Variants in DCDC2 observed in about 807,000 individuals in gnomAD.
The protein encoded by DCDC2 is doublecortin domain containing 2, also known as doublecortin domain-containing protein 2.
In DCDC2, 40 loss-of-function variants were observed where a neutral mutation model predicts 50.2. That is an observed-to-expected ratio of 0.80 (90% CI 0.62 to 1.04). The LOEUF (loss-of-function observed/expected upper bound fraction) is 1.04. Among genes scored for constraint, DCDC2 ranks in the 50% least tolerant of loss-of-function variants. The probability of loss-of-function intolerance (pLI) is 0.00; values close to 1 mark genes in which losing one functional copy is unlikely to be tolerated. For synonymous variants in DCDC2, 234 were observed against 210.6 expected (o/e 1.11, Z -0.96); for missense variants, 570 against 581.9 (o/e 0.98, Z 0.21).
At chr6:24,358,202 G>A (rs1039209998), upstream of DCDC2, 3 of 344,912 alleles carry the variant, frequency 8.7e-6, no homozygotes, top group South Asian at 4.2e-4. Context: ...TTTCCAAACA[G>A]CCTAATTTTT....
At chr6:24,186,887 A>G (rs1291088043) in intron 8 of DCDC2, among the ~76,000 whole-genome samples, 1 of 152,196 alleles carries the variant, frequency 6.6e-6, no homozygotes, top group East Asian at 1.9e-4. Context: ...AGTTAAAATT[A>G]GGTCATGAGG....
intron 8 of DCDC2, among the ~76,000 whole-genome samples, chr6:24,191,127 G>T (rs921963401): frequency 5.0e-4 from 76 of 152,160 alleles, no homozygotes; most frequent in Admixed American, 3.3e-3. Flanking sequence ...TTTTATAATT[G>T]TTTAGTAAAT....
At chr6:24,374,577 CAAAAAAAAA>C in the DCDC2 span, among the ~76,000 whole-genome samples, 87 of 57,468 alleles carry the variant, frequency 1.5e-3, no homozygotes, top group African/African-American at 4.5e-3. Context: ...AGACTCCATC[CAAAAAAAAA>C]AAAAAAAAAA....
chr6:24,216,899 G>C (rs1761993920), intron 7 of DCDC2, among the ~76,000 whole-genome samples: 1 of 152,154 alleles, frequency 6.6e-6, no homozygotes, highest in Non-Finnish European at 1.5e-5. Flanking sequence ...TTGAACCTTA[G>C]CTAAAATACC....
At chr6:24,311,117 T>A (rs1759563285) in intron 2 of DCDC2, among the ~76,000 whole-genome samples, 1 of 152,224 alleles carries the variant, frequency 6.6e-6, no homozygotes, top group South Asian at 2.1e-4. Context: ...TGGCTTCAGA[T>A]GATGTCCTCG....
At position 24,323,605 on chromosome 6, in the gene DCDC2, T is replaced by C. The variant is rs1179698432; in HGVS notation, c.349-21561A>G. On this transcript the variant is annotated intron_variant, in intron 2 of 9. Coordinates refer to ENST00000378454, the MANE Select transcript of DCDC2 (RefSeq NM_016356.5). ...AAAGTTCAATGAATATAATGCTTAA[T>C]AGACCTTAATGCAAATAAAAGATCT... Among the ~76,000 whole-genome samples the C allele has an allele frequency of 2.0e-5, 3 of 152,310 alleles. No individual in the cohort carries two copies. The South Asian group carries it at 6.2e-4, about 32-fold the overall frequency.
Position 24,178,571 on chromosome 6 carries a change from T to C in DCDC2, c.1085A>G (p.Gln362Arg). ...ATTCATTCCTGAAAAGTCTTCTTTC[T>C]GTTCTGCATCCTTGTTTGCCTTCTC... ...DGEKANKDAE[Q>R]KEDFSGMNGD... is the part of the protein sequence containing the mutation. Residue 362 changes from glutamine (Q) to arginine (R), a missense_variant, in exon 9 of 10, where the codon CAG becomes CGG. Physicochemically the swap from Gln to Arg is conservative, Grantham distance 43. Transcript: ENST00000378454. 1.9e-6 allele frequency: 3 copies of C among 1,614,180 alleles called. No individual in the cohort carries two copies. The highest frequency in any genetic ancestry group is 2.5e-6 in the Non-Finnish European group (3 of 1,180,026).
chr6:24,225,702 TCA>T (rs542318921), intron 7 of DCDC2, among the ~76,000 whole-genome samples: 18,548 of 151,866 alleles, frequency 0.12, 1,264 homozygotes, highest in African/African-American at 0.17. Flanking sequence ...TAGAAAGTTT[TCA>T]CACACACACA....
At chr6:24,241,351 T>C (rs1762558587) in intron 7 of DCDC2, among the ~76,000 whole-genome samples, 1 of 152,168 alleles carries the variant, frequency 6.6e-6, no homozygotes, top group South Asian at 2.1e-4. Context: ...ACAAATATAT[T>C]TCACATAATC....
chr6:24,325,955 C>T (rs781634996), intron 2 of DCDC2, among the ~76,000 whole-genome samples: 31 of 149,170 alleles, frequency 2.1e-4, no homozygotes, highest in Middle Eastern at 3.4e-3. Context: ...TTCAGTTCTT[C>T]CTTCCCCACA....
chr6:24,265,239 A>G (rs1319039711), intron 7 of DCDC2, among the ~76,000 whole-genome samples: 1 of 152,246 alleles, frequency 6.6e-6, no homozygotes, highest in African/African-American at 2.4e-5. Flanking sequence ...TTGAAAATAC[A>G]TACTCATCCA....
At chr6:24,239,455 T>C (rs1008999590) in intron 7 of DCDC2, among the ~76,000 whole-genome samples, 3 of 152,182 alleles carry the variant, frequency 2.0e-5, no homozygotes, top group Admixed American at 2.0e-4. Context: ...ACTGGGATAG[T>C]TGACCGGCTC....
At chr6:24,301,664 T>C (rs1203863818) in intron 4 of DCDC2, 51 bp downstream of exon 4, 1 of 1,600,802 alleles carries the variant, frequency 6.2e-7, no homozygotes, top group Non-Finnish European at 8.5e-7. Flanking sequence ...CTCCTGAGAA[T>C]ATCTTCAACA....
At chr6:24,295,856 C>T (rs189308834) in intron 4 of DCDC2, among the ~76,000 whole-genome samples, 1 of 152,236 alleles carries the variant, frequency 6.6e-6, no homozygotes, top group East Asian at 1.9e-4. Flanking sequence ...AGCCCATGGT[C>T]ATGGATAGGA....
At chr6:24,310,565 G>A (rs1759553899) in intron 2 of DCDC2, among the ~76,000 whole-genome samples, 1 of 151,964 alleles carries the variant, frequency 6.6e-6, no homozygotes, top group Admixed American at 6.6e-5. Flanking sequence ...CACTCTCTTG[G>A]TCAAATTTAT....
At chr6:24,358,902 ATATTATATATTAT>A, upstream of DCDC2, among the ~76,000 whole-genome samples, 1 of 21,086 alleles carries the variant, frequency 4.7e-5, no homozygotes, top group African/African-American at 3.5e-4. Flanking sequence ...TATATATAAT[ATATTATATATTAT>A]ATATATTATA....
At chr6:24,294,202 C>A (rs1293342949) in intron 4 of DCDC2, among the ~76,000 whole-genome samples, 1 of 151,768 alleles carries the variant, frequency 6.6e-6, no homozygotes, top group Non-Finnish European at 1.5e-5. Flanking sequence ...ACAAAAAATA[C>A]AAAAAAATTA....
upstream of DCDC2, among the ~76,000 whole-genome samples, chr6:24,359,511 A>ATATT (rs1760619153): frequency 2.5e-4 from 25 of 100,802 alleles, no homozygotes; most frequent in African/African-American, 9.6e-4. Context: ...TATTTTATAT[A>ATATT]TTATATATAT....
At chr6:24,194,606 G>C (rs537339361) in intron 8 of DCDC2, among the ~76,000 whole-genome samples, 1 of 152,114 alleles carries the variant, frequency 6.6e-6, no homozygotes, top group Non-Finnish European at 1.5e-5. Context: ...TTTATTACTA[G>C]GGGCAGTTTA....
Sources: allele counts gnomAD v4.1 joint callset (sites outside exome capture counted in the v4.1 genomes callset), GRCh38; gene constraint gnomAD v4.1.1; transcripts MANE v1.5; gene names NCBI Gene and HGNC (gene_info 2026-07-23, HGNC 2026-07-21).